PIAS1: variants seen among roughly 807,000 people sequenced by gnomAD.
PIAS1 encodes protein inhibitor of activated STAT 1.
Under a neutral mutation model 71.3 loss-of-function variants are expected in PIAS1, and 6 were observed. The ratio of observed to expected loss-of-function variants is 0.08; its 90% CI spans 0.05 to 0.17. The LOEUF is 0.17. PIAS1 is among the 10% of genes least tolerant of loss of function. The pLI is 1.00. For synonymous variants in PIAS1, 303 were observed against 292.9 expected (o/e 1.03, Z -0.35); for missense variants, 555 against 793.6 (o/e 0.70, Z 3.61).
chr15:68,099,737 C>T (rs1013466733), intron 2 of PIAS1, among the ~76,000 whole-genome samples: 1 of 151,570 alleles, frequency 6.6e-6, no homozygotes, highest in Non-Finnish European at 1.5e-5. Context: ...CTTTCTGTTT[C>T]TTCTGGTATT....
At chr15:68,068,577 C>T (rs972138446) in intron 1 of PIAS1, among the ~76,000 whole-genome samples, 3 of 151,920 alleles carry the variant, frequency 2.0e-5, no homozygotes, top group South Asian at 2.1e-4. Context: ...CTCAGCCTCC[C>T]GAGTAGCTGG....
chr15:68,084,254 T>TC (rs1422824731), intron 1 of PIAS1, among the ~76,000 whole-genome samples: 1 of 152,168 alleles, frequency 6.6e-6, no homozygotes, highest in Admixed American at 6.6e-5. Flanking sequence ...ACTTTTTTTT[T>TC]CTGTAAAATG....
At chr15:68,065,947 G>T (rs28566583) in intron 1 of PIAS1, among the ~76,000 whole-genome samples, 1 of 71,062 alleles carries the variant, frequency 1.4e-5, no homozygotes, top group African/African-American at 7.1e-5. Flanking sequence ...TTTTTTTGGA[G>T]ATAGGGTCTT....
At chr15:68,129,135 C>A (rs935993193) in intron 2 of PIAS1, among the ~76,000 whole-genome samples, 3 of 152,120 alleles carry the variant, frequency 2.0e-5, no homozygotes, top group Non-Finnish European at 4.4e-5. Context: ...GATCATTTTT[C>A]ACTGTAACCT....
At chr15:68,183,046 C>G (rs532715309) in intron 12 of PIAS1, among the ~76,000 whole-genome samples, 1 of 152,210 alleles carries the variant, frequency 6.6e-6, no homozygotes, top group Non-Finnish European at 1.5e-5. Flanking sequence ...TGCAGTGAAT[C>G]CTCAGCAGCC....
At position 68,086,538 on chromosome 15, in the gene PIAS1, C is replaced by G; in HGVS notation, c.257C>G (p.Pro86Arg). Residue 86 changes from proline (P) to arginine (R), a missense_variant, in exon 2 of 14, where the codon CCA becomes CGA. By Grantham distance (103) the Pro-to-Arg change is moderately radical. Transcript: ENST00000249636. This position sits in a 1 kb window ranked among gnomAD's most constrained non-coding sequence, Gnocchi z 7.2. ...CCCAACGTACATTCAAGTCCTATGCCAGCAACTTTGTCTCCATCTACCATT... is the reference window on the plus strand; with the variant it reads ...CCCAACGTACATTCAAGTCCTATGCGAGCAACTTTGTCTCCATCTACCATT... ...SIPNVHSSPM[P>R]ATLSPSTIPQ... 6.2e-7 allele frequency: 1 copy of G among 1,613,846 alleles called. No homozygotes were observed.
At chr15:68,113,041 G>A (rs752367931) in intron 2 of PIAS1, among the ~76,000 whole-genome samples, 2 of 151,922 alleles carry the variant, frequency 1.3e-5, no homozygotes, top group Admixed American at 6.6e-5. Context: ...TGATGACATT[G>A]GTTTGTTTAT....
intron 8 of PIAS1, among the ~76,000 whole-genome samples, chr15:68,169,795 A>T (rs996074029): frequency 2.0e-5 from 3 of 152,210 alleles, no homozygotes; most frequent in Admixed American, 6.5e-5. Flanking sequence ...TTATTTATTG[A>T]AAAGTTACTA....
intron 8 of PIAS1, among the ~76,000 whole-genome samples, chr15:68,172,238 T>C (rs906178930): frequency 6.6e-6 from 1 of 152,238 alleles, no homozygotes; most frequent in African/African-American, 2.4e-5. Context: ...GCAAAGGACA[T>C]GAACTCATCC....
intron 1 of PIAS1, among the ~76,000 whole-genome samples, chr15:68,083,091 A>G (rs757774738): frequency 6.6e-6 from 1 of 151,464 alleles, no homozygotes; most frequent in East Asian, 1.9e-4. Flanking sequence ...GGAAGTAATG[A>G]TTTCTAATAG....
rs2092805487 is a variant in PIAS1, at chr15:68,146,038, TG to T, written c.693+133del. 5 of 631,390 alleles carry T rather than the reference TG, an allele frequency of 7.9e-6. No homozygotes were observed. The Admixed American group carries it at 1.0e-4, about 13-fold the overall frequency. 39.1% of individuals were successfully genotyped at this position (631,390 alleles called of 1,614,324 possible). Reference sequence around the variant, plus strand: ...TTTGGATATATATTCATTGACTGGGTGAAACACTTGTACCAACTATGTACAG... The same window carrying T: ...TTTGGATATATATTCATTGACTGGGTAAACACTTGTACCAACTATGTACAG... On this transcript the variant is annotated intron_variant, in intron 5 of 13. Coordinates refer to ENST00000249636, the MANE Select transcript of PIAS1 (RefSeq NM_016166.3).
At chr15:68,137,797 T>C (rs2141041992) in intron 2 of PIAS1, among the ~76,000 whole-genome samples, 1 of 152,280 alleles carries the variant, frequency 6.6e-6, no homozygotes, top group East Asian at 1.9e-4. Context: ...TGACATCACA[T>C]CTGGAAGAAT....
chr15:68,165,580 A>G (rs755579188), intron 8 of PIAS1, among the ~76,000 whole-genome samples: 4 of 152,186 alleles, frequency 2.6e-5, no homozygotes, highest in African/African-American at 4.8e-5. Flanking sequence ...ACATATAAAA[A>G]AACCTTGAGA....
Position 68,133,413 on chromosome 15 carries a change from T to C in PIAS1, c.470-8533T>C, listed in dbSNP as rs1219462315. 2.6e-5 allele frequency among the ~76,000 whole-genome samples: 4 copies of C among 152,076 alleles called. No homozygotes were observed. The South Asian group carries it at 6.2e-4, about 24-fold the overall frequency. Reference sequence around the variant, plus strand: ...GCTTTAAAAATCATAACAAAAAGATTTGGAAATTCATCTAGATGAATTAAA... The same window carrying C: ...GCTTTAAAAATCATAACAAAAAGATCTGGAAATTCATCTAGATGAATTAAA... On this transcript the variant is annotated intron_variant, in intron 2 of 13. Transcript: ENST00000249636.
intron 7 of PIAS1, among the ~76,000 whole-genome samples, chr15:68,161,143 T>C (rs1341738320): frequency 6.6e-6 from 1 of 152,196 alleles, no homozygotes; most frequent in Non-Finnish European, 1.5e-5. Context: ...AAAAACAAAT[T>C]GTATTTCTGT....
chr15:68,131,314 G>A (rs778153833), intron 2 of PIAS1, among the ~76,000 whole-genome samples: 1 of 151,870 alleles, frequency 6.6e-6, no homozygotes, highest in Non-Finnish European at 1.5e-5. Context: ...TACGATCTTC[G>A]ACTACCATGT....
At chr15:68,068,464 T>C (rs2092054535) in intron 1 of PIAS1, among the ~76,000 whole-genome samples, 2 of 152,168 alleles carry the variant, frequency 1.3e-5, no homozygotes, top group Non-Finnish European at 2.9e-5. Flanking sequence ...TAAGTCTTTT[T>C]TTTTGAGACT....
At position 68,178,716 on chromosome 15, in the gene PIAS1, T is replaced by C. The variant is rs75471997; in HGVS notation, c.1481+2062T>C. 0.021 allele frequency among the ~76,000 whole-genome samples: 3,266 copies of C among 152,258 alleles called. 118 individuals are homozygous for C. The highest frequency in any genetic ancestry group is 0.076 in the African/African-American group (3,137 of 41,534). ...CTTTTGGGCTAAATGCATCATAATA[T>C]ATATATTTGTTCTGTTCTTTAGACT... On this transcript the variant is annotated intron_variant, in intron 11 of 13. Coordinates refer to ENST00000249636, the MANE Select transcript of PIAS1 (RefSeq NM_016166.3). This position sits in a 1 kb window ranked among gnomAD's most constrained non-coding sequence, Gnocchi z 4.2.
At position 68,188,337 on chromosome 15, in the gene PIAS1, T is replaced by G. The variant is rs1314628292; in HGVS notation, c.*502T>G. 6.4e-6 allele frequency: 1 copy of G among 157,220 alleles called. No individual in the cohort carries two copies. Among genetic ancestry groups the G allele is most frequent in the Non-Finnish European group, 1.4e-5 (1 of 70,974 alleles). 9.7% of individuals were successfully genotyped at this position (157,220 alleles called of 1,614,324 possible). On this transcript the variant is annotated 3_prime_UTR_variant, in exon 14 of 14. Transcript: ENST00000249636. ...GACAGACTTGGATTCTGTTTGTGTG[T>G]GCATATTTTATCCAGCCTTAAGTTA...
Sources: gnomAD v4.1 joint callset for allele counts (sites outside exome capture counted in the v4.1 genomes callset) on GRCh38, gnomAD v4.1.1 for gene constraint, Gnocchi (gnomAD v3.1) non-coding constraint, MANE v1.5 for transcripts, NCBI Gene and HGNC (gene_info 2026-07-23, HGNC 2026-07-21) for gene names.